NAV2: variants seen among roughly 807,000 people sequenced by gnomAD.
NAV2 encodes helicase, APC down-regulated 1.
Under a neutral mutation model 223.2 loss-of-function variants are expected in NAV2, and 54 were observed. The ratio of observed to expected loss-of-function variants is 0.24; its 90% CI spans 0.19 to 0.30. The LOEUF (loss-of-function observed/expected upper bound fraction) is 0.30, where lower values mean the gene tolerates loss of function less well. Ranked by LOEUF, NAV2 falls within the 10% of genes least tolerant of loss-of-function variation. NAV2 has a pLI of 1.00. For missense variants in NAV2, 2,806 were observed against 3,147.5 expected (o/e 0.89, Z 2.60); for synonymous variants, 1,279 against 1,239.3 (o/e 1.03, Z -0.67).
At chr11:19,861,366 C>G (rs1332851254) in intron 3 of NAV2, among the ~76,000 whole-genome samples, 1 of 150,126 alleles carries the variant, frequency 6.7e-6, no homozygotes, top group Non-Finnish European at 1.5e-5. Context: ...TAAGCCTGTT[C>G]GATTCTCTGT....
At chr11:20,093,291 G>A (rs372011051) in intron 29 of NAV2, 92 bp downstream of exon 29, 26 of 817,158 alleles carry the variant, frequency 3.2e-5, no homozygotes, top group Middle Eastern at 2.3e-4. Context: ...CTATCACCTT[G>A]GAGCCTAAGG....
intron 1 of NAV2, among the ~76,000 whole-genome samples, chr11:19,771,753 A>G (rs1415468440): frequency 6.6e-6 from 1 of 152,200 alleles, no homozygotes; most frequent in Non-Finnish European, 1.5e-5. Context: ...AAAAGGGAAG[A>G]GAGGAAGGAG....
At chr11:19,755,457 A>T (rs765929199) in intron 1 of NAV2, among the ~76,000 whole-genome samples, 2 of 152,246 alleles carry the variant, frequency 1.3e-5, no homozygotes, top group Non-Finnish European at 2.9e-5. Context: ...AGAAAATACC[A>T]TGAACTGGTG....
chr11:19,609,219 G>A (rs532052535), intron 1 of NAV2, among the ~76,000 whole-genome samples: 17 of 152,318 alleles, frequency 1.1e-4, no homozygotes, highest in African/African-American at 4.1e-4. Context: ...AACACTGTGA[G>A]CTGTGTTAAT....
At chr11:19,885,683 G>A (rs889960984) in intron 5 of NAV2, among the ~76,000 whole-genome samples, 1 of 152,116 alleles carries the variant, frequency 6.6e-6, no homozygotes, top group African/African-American at 2.4e-5. Context: ...GGGTTAGGAG[G>A]ATATTTTATT....
rs551901574 is a variant in NAV2, at chr11:19,569,853, T to C, written c.75+218826T>C. On this transcript the variant is annotated intron_variant, in intron 1 of 37. Transcript: ENST00000360655. ...AAATGGCTCATGGAGGTTGTCCCAC[T>C]GCCCCAGAGTTGCTGCTTTATAAGG... Among the ~76,000 whole-genome samples the C allele has an allele frequency of 4.6e-5, 7 of 152,296 alleles. No homozygotes were observed. The South Asian group carries it at 8.3e-4, about 18-fold the overall frequency.
intron 1 of NAV2, among the ~76,000 whole-genome samples, chr11:19,548,665 G>A (rs1035685299): frequency 5.3e-5 from 8 of 150,360 alleles, no homozygotes; most frequent in East Asian, 3.9e-4. Context: ...TCAGGAGATC[G>A]AGACCATCCT....
chr11:19,893,218 G>C (rs1975457), intron 6 of NAV2, among the ~76,000 whole-genome samples: 148,110 of 152,010 alleles, frequency 0.97, 72,265 homozygotes, highest in East Asian at 1. Context: ...CCATGGGGGT[G>C]CTGCCCAGAA....
At chr11:19,893,142 ATTTT>A (rs5790098) in intron 6 of NAV2, among the ~76,000 whole-genome samples, 2 of 146,986 alleles carry the variant, frequency 1.4e-5, no homozygotes, top group African/African-American at 2.5e-5. Flanking sequence ...AAGGATATGG[ATTTT>A]TTTTTTTTTT....
chr11:20,010,949 C>T (rs946348409), intron 11 of NAV2, among the ~76,000 whole-genome samples: 2 of 152,142 alleles, frequency 1.3e-5, no homozygotes, highest in Admixed American at 6.6e-5. Context: ...ACCCTTAATC[C>T]GCTAAACTTC....
chr11:19,442,292 C>T (rs904524721), intron 1 of NAV2, among the ~76,000 whole-genome samples: 2 of 152,242 alleles, frequency 1.3e-5, no homozygotes, highest in African/African-American at 4.8e-5. Flanking sequence ...GCCTCCATTC[C>T]TATTTCCCCT....
rs201669772 is a variant in NAV2, at chr11:19,385,753, C to CTTTTTTTTTTTTTTTTTTTTTTTTTT, written c.75+34727_75+34752dup. Among the ~76,000 whole-genome samples, 5 of 112,782 alleles carry CTTTTTTTTTTTTTTTTTTTTTTTTTT rather than the reference C, an allele frequency of 4.4e-5. 1 individual carries two copies. Among genetic ancestry groups the CTTTTTTTTTTTTTTTTTTTTTTTTTT allele is most frequent in the African/African-American group, 1.9e-4 (5 of 26,454 alleles). 74.0% of individuals were successfully genotyped at this position (112,782 alleles called of 152,430 possible). A position where few individuals can be genotyped will look rare whatever the true frequency, so the allele number is the denominator to read the frequency against. On this transcript the variant is annotated intron_variant, in intron 1 of 37. Coordinates refer to the NAV2 transcript ENST00000360655. ...CTCAACTGCTTTTTCAATATAGCTCCTTTTTTTTTTTTTTTTTTTTTTTTT... is the reference window on the plus strand; with the variant it reads ...CTCAACTGCTTTTTCAATATAGCTCCTTTTTTTTTTTTTTTTTTTTTTTTTTTTTTTTTTTTTTTTTTTTTTTTTTT...
intron 10 of NAV2, among the ~76,000 whole-genome samples, chr11:19,960,891 G>A (rs2048306521): frequency 6.6e-6 from 1 of 151,966 alleles, no homozygotes; most frequent in Admixed American, 6.6e-5. Context: ...GGGATTACAG[G>A]TGTGAACCAC....
intron 1 of NAV2, among the ~76,000 whole-genome samples, chr11:19,626,656 A>G (rs1590719296): frequency 6.6e-6 from 1 of 152,096 alleles, no homozygotes; most frequent in Non-Finnish European, 1.5e-5. Flanking sequence ...CTTCTGATCC[A>G]TGAGTATGGG....
chr11:19,489,274 C>T lies in NAV2; in HGVS notation c.75+138247C>T, dbSNP rs556540572. On this transcript the variant is annotated intron_variant, in intron 1 of 37. Coordinates refer to the NAV2 transcript ENST00000360655. ...AAATAATTCAAACCCTGAGACCCAA[C>T]ATTGTTGTCTTAAGCTTCTATGGGA... is the stretch of plus-strand genomic sequence containing the variant. 2.0e-5 allele frequency among the ~76,000 whole-genome samples: 3 copies of T among 152,286 alleles called. No individual in the cohort carries two copies. In the East Asian group the frequency reaches 5.8e-4, roughly 29 times the overall value.
intron 1 of NAV2, among the ~76,000 whole-genome samples, chr11:19,731,372 T>C (rs2051756505): frequency 6.6e-6 from 1 of 152,238 alleles, no homozygotes; most frequent in South Asian, 2.1e-4. Flanking sequence ...CAATTGCAGT[T>C]GGTGACTATT....
At chr11:19,778,893 G>C (rs538470677) in intron 1 of NAV2, among the ~76,000 whole-genome samples, 1 of 152,308 alleles carries the variant, frequency 6.6e-6, no homozygotes, top group East Asian at 1.9e-4. Context: ...GCATAGGAAA[G>C]CTGGGTCCCG....
intron 1 of NAV2, among the ~76,000 whole-genome samples, chr11:19,757,949 T>A (rs1187137187): frequency 6.6e-6 from 1 of 152,184 alleles, no homozygotes; most frequent in East Asian, 1.9e-4. Flanking sequence ...CTCAGTGTCA[T>A]CATTATCATT....
intron 11 of NAV2, among the ~76,000 whole-genome samples, chr11:20,004,795 C>T (rs138907507): frequency 7.7e-4 from 117 of 152,288 alleles, no homozygotes; most frequent in Non-Finnish European, 1.5e-3. Flanking sequence ...CAGGGTTTCT[C>T]GTCTGCCATT....
Sources: allele counts gnomAD v4.1 joint callset (sites outside exome capture counted in the v4.1 genomes callset), GRCh38; gene constraint gnomAD v4.1.1; transcripts MANE v1.5; gene names NCBI Gene and HGNC (gene_info 2026-07-23, HGNC 2026-07-21).